Variants in IP6K3 observed in about 807,000 individuals in gnomAD.
IP6K3 encodes ATP:1D-myo-inositol-hexakisphosphate phosphotransferase.
IP6K3 carries 20 observed loss-of-function variants against 28.8 expected under a neutral mutation model. The ratio of observed to expected loss-of-function variants is 0.70; its 90% CI spans 0.49 to 1.01. The LOEUF (loss-of-function observed/expected upper bound fraction) is 1.01. Ranked by LOEUF, IP6K3 falls within the 50% of genes least tolerant of loss-of-function variation. The pLI, the probability that IP6K3 is intolerant of heterozygous loss-of-function variation, is 0.00. For synonymous variants in IP6K3, 213 were observed against 221.3 expected (o/e 0.96, Z 0.33); for missense variants, 480 against 537.1 (o/e 0.89, Z 1.05).
At chr6:33,759,489 C>T in the IP6K3 span, among the ~76,000 whole-genome samples, 1 of 152,168 alleles carries the variant, frequency 6.6e-6, no homozygotes, top group Non-Finnish European at 1.5e-5. Flanking sequence ...CTTGGCCTCC[C>T]GAAGCGTGGG....
upstream of IP6K3, among the ~76,000 whole-genome samples, chr6:33,751,483 C>CGTGTGTGTGT (rs762389623): frequency 3.7e-4 from 23 of 61,594 alleles, no homozygotes; most frequent in African/African-American, 8.6e-4. This position sits in a 1 kb window ranked among gnomAD's most constrained non-coding sequence, Gnocchi z 4.3. Context: ...CTCTGCAGGC[C>CGTGTGTGTGT]GTGTGTGTGT....
chr6:33,722,557 T>G lies in IP6K3; in HGVS notation c.*163A>C. On this transcript the variant is annotated 3_prime_UTR_variant, in exon 6 of 6. Coordinates refer to ENST00000293756, the MANE Select transcript of IP6K3 (RefSeq NM_054111.5). ...TGTGGAATCACCTCCAGAGCTGATTTGTTCAGCAGCTGTTAATATAGTCTG... is the reference window on the plus strand; with the variant it reads ...TGTGGAATCACCTCCAGAGCTGATTGGTTCAGCAGCTGTTAATATAGTCTG... The G allele has an allele frequency of 1.8e-6, 1 of 559,806 alleles. No homozygotes were observed. Among genetic ancestry groups the G allele is most frequent in the South Asian group, 2.4e-5 (1 of 41,442 alleles). 34.7% of individuals were successfully genotyped at this position (559,806 alleles called of 1,614,324 possible).
chr6:33,737,045 A>G (rs1216337024), intron 1 of IP6K3, among the ~76,000 whole-genome samples: 1 of 152,194 alleles, frequency 6.6e-6, no homozygotes, highest in Non-Finnish European at 1.5e-5. Flanking sequence ...AGTGAGGCCT[A>G]CAGTACCATG....
chr6:33,757,548 CTT>C, the IP6K3 span, among the ~76,000 whole-genome samples: 3 of 152,332 alleles, frequency 2.0e-5, no homozygotes, highest in Non-Finnish European at 2.9e-5. Context: ...AGGATTGTCT[CTT>C]TGTCATTCCT....
chr6:33,740,454 C>T (rs898049862), intron 1 of IP6K3, among the ~76,000 whole-genome samples: 1 of 152,238 alleles, frequency 6.6e-6, no homozygotes, highest in African/African-American at 2.4e-5. Flanking sequence ...GCTGTCTGTG[C>T]CAGTACAGAC....
chr6:33,736,898 G>A (rs980832538), intron 1 of IP6K3, among the ~76,000 whole-genome samples: 11 of 152,182 alleles, frequency 7.2e-5, no homozygotes, highest in African/African-American at 2.2e-4. Context: ...GATAAGGCCC[G>A]TGGAAAGGAC....
At chr6:33,739,919 C>T (rs1327411736) in intron 1 of IP6K3, among the ~76,000 whole-genome samples, 8 of 152,200 alleles carry the variant, frequency 5.3e-5, no homozygotes, top group South Asian at 2.1e-4. Flanking sequence ...TCATGATGCT[C>T]GGAAGACAAA....
intron 2 of IP6K3, among the ~76,000 whole-genome samples, chr6:33,732,105 T>C (rs4713670): frequency 0.42 from 64,527 of 152,148 alleles, 15,708 homozygotes; most frequent in East Asian, 0.86. Flanking sequence ...ATCGGGTCAA[T>C]TGTTAACCAA....
In IP6K3 at chr6:33,721,894, A is replaced by C. The variant is rs148996068; in HGVS notation, c.*826T>G. On this transcript the variant is annotated 3_prime_UTR_variant, in exon 6 of 6. Coordinates refer to ENST00000293756, the MANE Select transcript of IP6K3 (RefSeq NM_054111.5). ...GACTCCCCAACCCACCCCCAAAATA[A>C]ATAAATAGAAAGCAGAGAGTAGAGC... 2.0e-5 allele frequency: 3 copies of C among 152,650 alleles called. No individual in the cohort carries two copies. Among genetic ancestry groups the C allele is most frequent in the African/African-American group, 7.2e-5 (3 of 41,524 alleles). 9.5% of individuals were successfully genotyped at this position (152,650 alleles called of 1,614,324 possible).
At chr6:33,747,683 G>A (rs1409230441), upstream of IP6K3, among the ~76,000 whole-genome samples, 1 of 152,102 alleles carries the variant, frequency 6.6e-6, no homozygotes, top group African/African-American at 2.4e-5. This position sits in a 1 kb window ranked among gnomAD's most constrained non-coding sequence, Gnocchi z 5.2. Context: ...GGTGGGAGCA[G>A]GGTCAGGGAG....
chr6:33,761,710 G>C, the IP6K3 span, among the ~76,000 whole-genome samples: 2 of 152,132 alleles, frequency 1.3e-5, no homozygotes, highest in Non-Finnish European at 2.9e-5. Context: ...CTCCAGGGCA[G>C]CCTTGTCTCA....
intron 1 of IP6K3, among the ~76,000 whole-genome samples, chr6:33,738,232 A>T (rs776360386): frequency 3.3e-5 from 5 of 152,022 alleles, no homozygotes; most frequent in Non-Finnish European, 5.9e-5. Flanking sequence ...TGGAAGGGGC[A>T]AGACTCCTGC....
At position 33,722,833 on chromosome 6, in the gene IP6K3, T is replaced by A. The variant is rs1234788082; in HGVS notation, c.1120A>T (p.Thr374Ser). 6.2e-7 allele frequency: 1 copy of A among 1,613,844 alleles called. No homozygotes were observed. Among genetic ancestry groups the A allele is most frequent in the Non-Finnish European group, 8.5e-7 (1 of 1,179,772 alleles). Residue 374 changes from threonine to serine, a missense_variant, in exon 6 of 6, where the codon ACA (threonine) becomes TCA (serine). Thr to Ser is a moderately conservative substitution (Grantham distance 58). Transcript: ENST00000293756. Reference protein sequence around the residue: ...DIRMIDFAHTTYKGYWNEHTT... With the variant: ...DIRMIDFAHTSYKGYWNEHTT... Reference sequence around the variant, plus strand: ...TGCTCATTCCAGTAGCCCTTGTATGTGGTATGAGCAAAGTCAATCATGCGG... The same window carrying A: ...TGCTCATTCCAGTAGCCCTTGTATGAGGTATGAGCAAAGTCAATCATGCGG...
chr6:33,726,998 T>G, intron 3 of IP6K3, 92 bp from the exon 4 acceptor site: 2 of 1,338,010 alleles, frequency 1.5e-6, no homozygotes, highest in Non-Finnish European at 2.0e-6. Flanking sequence ...AGATGGGCTC[T>G]GAAAGGGTGG....
chr6:33,754,020 A>G, the IP6K3 span, among the ~76,000 whole-genome samples: 10 of 152,072 alleles, frequency 6.6e-5, no homozygotes, highest in Non-Finnish European at 1.3e-4. Context: ...CGTGTTAGCC[A>G]GGATGGTCTT....
rs1582227507 is a variant in IP6K3, at chr6:33,742,996, T to G, written c.-180+3762A>C. ...GTGGGAGGCGATGGCTGGAGGGGAG[T>G]GTTGTGTGGAGGAGGAGGATGCGGG... On this transcript the variant is annotated intron_variant, in intron 1 of 5. Transcript: ENST00000293756. This position sits in a 1 kb window ranked among gnomAD's most constrained non-coding sequence, Gnocchi z 4.5. 6.8e-6 allele frequency among the ~76,000 whole-genome samples: 1 copy of G among 147,938 alleles called. No individual in the cohort carries two copies. Among genetic ancestry groups the G allele is most frequent in the African/African-American group, 2.5e-5 (1 of 39,950 alleles).
chr6:33,738,350 C>T (rs943777593), intron 1 of IP6K3, among the ~76,000 whole-genome samples: 4 of 152,252 alleles, frequency 2.6e-5, no homozygotes, highest in Admixed American at 6.5e-5. Context: ...ACCTGGGCCT[C>T]GTGCTGCTGC....
intron 2 of IP6K3, among the ~76,000 whole-genome samples, chr6:33,730,524 A>G (rs191249122): frequency 5.9e-5 from 9 of 152,284 alleles, no homozygotes; most frequent in African/African-American, 1.9e-4. Flanking sequence ...ACCTGCCACT[A>G]GCGTCCACCC....
At chr6:33,748,288 A>T (rs892078194), upstream of IP6K3, among the ~76,000 whole-genome samples, 4 of 152,018 alleles carry the variant, frequency 2.6e-5, no homozygotes, top group Non-Finnish European at 5.9e-5. Flanking sequence ...CCACATGTCC[A>T]TGGAGAACAT....
Sources: allele counts gnomAD v4.1 joint callset (sites outside exome capture counted in the v4.1 genomes callset), GRCh38; gene constraint gnomAD v4.1.1; non-coding constraint Gnocchi (gnomAD v3.1); transcripts MANE v1.5; gene names NCBI Gene and HGNC (gene_info 2026-07-23, HGNC 2026-07-21).